WWOX: variants seen among roughly 807,000 people sequenced by gnomAD.
The protein encoded by WWOX is WW domain containing oxidoreductase.
In WWOX, 69 loss-of-function variants were observed where a neutral mutation model predicts 46.2. That is an observed-to-expected ratio of 1.49 (90% CI 1.23 to 1.82). The LOEUF is 1.82. WWOX is among the 40% of genes most tolerant of loss of function. The pLI is 0.00. For synonymous variants in WWOX, 359 were observed against 202.6 expected, an observed-to-expected ratio of 1.77 and a Z score of -6.56; for missense variants, 919 against 542.6, an observed-to-expected ratio of 1.69 and a Z score of -6.89.
intron 8 of WWOX, among the ~76,000 whole-genome samples, chr16:79,026,485 C>A (rs1387469355): frequency 6.6e-6 from 1 of 151,680 alleles, no homozygotes; most frequent in Admixed American, 6.6e-5. Flanking sequence ...TGTACTTGTT[C>A]ATGTGATCAT....
chr16:78,969,572 C>G (rs946908059), intron 8 of WWOX, among the ~76,000 whole-genome samples: 1 of 152,166 alleles, frequency 6.6e-6, no homozygotes, highest in African/African-American at 2.4e-5. Flanking sequence ...CACCCAGCCA[C>G]TCTCTTTCAA....
At chr16:78,853,742 C>CT (rs2151183120) in intron 8 of WWOX, among the ~76,000 whole-genome samples, 1 of 152,132 alleles carries the variant, frequency 6.6e-6, no homozygotes, top group East Asian at 1.9e-4. Context: ...TGAAACCCAG[C>CT]TTGTAAGCAT....
chr16:78,557,685 A>C (rs531327837), intron 8 of WWOX, among the ~76,000 whole-genome samples: 3 of 113,682 alleles, frequency 2.6e-5, no homozygotes, highest in Admixed American at 8.0e-5. Context: ...TCCTCTAGGG[A>C]AGGATTTTTT....
At chr16:78,621,084 C>A (rs1178667815) in intron 8 of WWOX, among the ~76,000 whole-genome samples, 1 of 152,144 alleles carries the variant, frequency 6.6e-6, no homozygotes, top group African/African-American at 2.4e-5. Flanking sequence ...TCTCCTGCTG[C>A]CACCTTGGTC....
intron 8 of WWOX, among the ~76,000 whole-genome samples, chr16:78,440,001 C>G (rs914150876): frequency 1.3e-5 from 2 of 152,162 alleles, no homozygotes; most frequent in Admixed American, 1.3e-4. Flanking sequence ...TCAGATCCCA[C>G]TGGTTGGGAC....
In WWOX at chr16:78,425,899, TGAAATGTTTTAGTGACCCA is replaced by T. The variant is rs145378679; in HGVS notation, c.791+848_791+866del. On this transcript the variant is annotated intron_variant, in intron 7 of 8. Transcript: ENST00000566780. Reference sequence around the variant, plus strand: ...CCTCCTTCTTCTCCGTCTTAAGTCCTGAAATGTTTTAGTGACCCAGAATGAAGCTTATTTTTTTAATCAT... The same window carrying T: ...CCTCCTTCTTCTCCGTCTTAAGTCCTGAATGAAGCTTATTTTTTTAATCAT... 8.3e-3 allele frequency among the ~76,000 whole-genome samples: 1,263 copies of T among 152,214 alleles called. 15 individuals are homozygous for T. Among genetic ancestry groups the T allele is most frequent in the African/African-American group, 0.028 (1,144 of 41,540 alleles).
chr16:78,947,547 T>C (rs879520435), intron 8 of WWOX, among the ~76,000 whole-genome samples: 12 of 152,230 alleles, frequency 7.9e-5, no homozygotes, highest in Admixed American at 2.0e-4. Context: ...GCTCTTCCTC[T>C]GATGAGCTGT....
At chr16:78,616,389 G>C (rs933333287) in intron 8 of WWOX, among the ~76,000 whole-genome samples, 1 of 152,084 alleles carries the variant, frequency 6.6e-6, no homozygotes, top group Non-Finnish European at 1.5e-5. Flanking sequence ...TGTCCGGTGA[G>C]GATTTGTTTT....
At chr16:78,555,791 A>G (rs1294800781) in intron 8 of WWOX, among the ~76,000 whole-genome samples, 3 of 152,158 alleles carry the variant, frequency 2.0e-5, no homozygotes, top group South Asian at 2.1e-4. Context: ...CTTTGCCCAC[A>G]AATGCCAGAG....
At chr16:78,245,954 G>A (rs1435909577) in intron 5 of WWOX, among the ~76,000 whole-genome samples, 5 of 152,134 alleles carry the variant, frequency 3.3e-5, no homozygotes, top group Non-Finnish European at 7.3e-5. Flanking sequence ...GTTCTCGTCC[G>A]TTCCATATTA....
At chr16:79,138,332 A>T (rs531978887) in intron 8 of WWOX, among the ~76,000 whole-genome samples, 2 of 152,154 alleles carry the variant, frequency 1.3e-5, no homozygotes, top group African/African-American at 4.8e-5. Context: ...TCCACTTCTC[A>T]ACTTGGGAGT....
At chr16:78,326,570 T>TCCC (rs1287342811) in intron 5 of WWOX, among the ~76,000 whole-genome samples, 1 of 10,026 alleles carries the variant, frequency 1.0e-4, no homozygotes. Flanking sequence ...CTGCCTGCCC[T>TCCC]CCCCCCGCCC....
intron 5 of WWOX, among the ~76,000 whole-genome samples, chr16:78,175,794 G>T: frequency 6.6e-6 from 1 of 152,206 alleles, no homozygotes; most frequent in East Asian, 1.9e-4. Context: ...TGCTCTGGGG[G>T]AATTTGTGAT....
chr16:78,880,667 GA>G (rs1241691377), intron 8 of WWOX, among the ~76,000 whole-genome samples: 1 of 152,160 alleles, frequency 6.6e-6, no homozygotes, highest in Non-Finnish European at 1.5e-5. Context: ...TTCACTTGCC[GA>G]ACTTGCTGAT....
intron 8 of WWOX, among the ~76,000 whole-genome samples, chr16:79,138,434 C>T (rs573390682): frequency 1.8e-3 from 275 of 152,336 alleles, no homozygotes; most frequent in African/African-American, 6.3e-3. Context: ...GTATCACCTC[C>T]TCTATGAAGT....
rs576415407 is a variant in WWOX, at chr16:78,930,589, C to G, written c.1057-281019C>G. Among the ~76,000 whole-genome samples, 31 of 146,594 alleles carry G rather than the reference C, an allele frequency of 2.1e-4. No homozygotes were observed. The East Asian group carries it at 6.2e-3, about 29-fold the overall frequency. On this transcript the variant is annotated intron_variant, in intron 8 of 8. Coordinates refer to ENST00000566780, the MANE Select transcript of WWOX (RefSeq NM_016373.4). Reference sequence around the variant, plus strand: ...CACAGGCATAGGCTGCTGCACCAGGCAAGGACTTTTTTTTTTTTTTTTAAA... The same window carrying G: ...CACAGGCATAGGCTGCTGCACCAGGGAAGGACTTTTTTTTTTTTTTTTAAA...
chr16:78,502,628 G>A (rs1393672546), intron 8 of WWOX, among the ~76,000 whole-genome samples: 5 of 152,196 alleles, frequency 3.3e-5, no homozygotes, highest in African/African-American at 1.2e-4. Flanking sequence ...GCTGCCATGA[G>A]CATCTGTGTT....
At chr16:79,031,886 CTG>C (rs1276860529) in intron 8 of WWOX, among the ~76,000 whole-genome samples, 5 of 55,174 alleles carry the variant, frequency 9.1e-5, no homozygotes, top group Admixed American at 2.6e-4. Context: ...ATACAGATAT[CTG>C]TATACAGATA....
At chr16:79,161,540 C>G (rs527642102) in intron 8 of WWOX, among the ~76,000 whole-genome samples, 2 of 152,194 alleles carry the variant, frequency 1.3e-5, no homozygotes, top group African/African-American at 4.8e-5. Flanking sequence ...TTATTGTTTT[C>G]AGGACAGGGT....
Sources: gnomAD v4.1 joint callset for allele counts (sites outside exome capture counted in the v4.1 genomes callset) on GRCh38, gnomAD v4.1.1 for gene constraint, MANE v1.5 for transcripts, NCBI Gene and HGNC (gene_info 2026-07-23, HGNC 2026-07-21) for gene names.